Variants in ATP6V0A1 observed in about 807,000 individuals in gnomAD.
ATP6V0A1 encodes ATPase H+ transporting V0 subunit a1, also known as V-type proton ATPase 116 kDa subunit a 1.
In ATP6V0A1, 43 loss-of-function variants were observed where a neutral mutation model predicts 105.4. That is an observed-to-expected ratio of 0.41 (90% confidence interval 0.32 to 0.53). The LOEUF (loss-of-function observed/expected upper bound fraction) is 0.53. Ranked by LOEUF, ATP6V0A1 falls within the 20% of genes least tolerant of loss-of-function variation. ATP6V0A1 has a pLI of 0.30. For missense variants in ATP6V0A1, 676 were observed against 1,051.1 expected (o/e 0.64, Z 4.93); for synonymous variants, 362 against 372.8 (o/e 0.97, Z 0.33).
chr17:42,484,529 C>T (rs1240768398), intron 9 of ATP6V0A1, among the ~76,000 whole-genome samples: 2 of 152,154 alleles, frequency 1.3e-5, no homozygotes, highest in African/African-American at 2.4e-5. Flanking sequence ...ATCTTAACCA[C>T]ACAGACTAGC....
intron 16 of ATP6V0A1, 36 bp from the exon 17 acceptor site, chr17:42,501,161 T>C (rs1328411908): frequency 6.5e-7 from 1 of 1,540,726 alleles, no homozygotes; most frequent in African/African-American, 1.4e-5. Flanking sequence ...GGTAGACTTT[T>C]ATATGATGTA....
intron 17 of ATP6V0A1, among the ~76,000 whole-genome samples, chr17:42,504,098 T>C (rs2091871571): frequency 6.6e-6 from 1 of 152,194 alleles, no homozygotes; most frequent in African/African-American, 2.4e-5. Flanking sequence ...AGGGTCTTCT[T>C]ACCCCACTGG....
chr17:42,480,429 A>G (rs1183703858), intron 7 of ATP6V0A1: 6 of 386,114 alleles, frequency 1.6e-5, no homozygotes, highest in Non-Finnish European at 2.8e-5. Flanking sequence ...CTTAGCTTCA[A>G]GCTCCTGGTT....
intron 12 of ATP6V0A1, chr17:42,494,699 G>A (rs997946354): frequency 1.8e-6 from 1 of 554,312 alleles, no homozygotes; most frequent in Non-Finnish European, 3.1e-6. Context: ...CTTGAGCCCA[G>A]GAATTCGAGA....
chr17:42,513,132 G>A (rs1194522522), intron 19 of ATP6V0A1, among the ~76,000 whole-genome samples: 4 of 152,190 alleles, frequency 2.6e-5, no homozygotes, highest in Non-Finnish European at 5.9e-5. Flanking sequence ...GGGAGCTTGA[G>A]GAAAACGAAA....
At chr17:42,507,349 T>A in intron 17 of ATP6V0A1, 171 bp from the exon 18 acceptor site, 1 of 544,704 alleles carries the variant, frequency 1.8e-6, no homozygotes, top group East Asian at 3.2e-5. Flanking sequence ...AGGCGGTGGT[T>A]GGGGTGGAAC....
At chr17:42,516,517 C>T (rs2092634087) in intron 21 of ATP6V0A1, among the ~76,000 whole-genome samples, 1 of 152,208 alleles carries the variant, frequency 6.6e-6, no homozygotes, top group African/African-American at 2.4e-5. Context: ...GCACGAGAAC[C>T]TCTGAGGACT....
chr17:42,508,222 T>C (rs2092145096), intron 18 of ATP6V0A1, among the ~76,000 whole-genome samples: 1 of 152,240 alleles, frequency 6.6e-6, no homozygotes, highest in Admixed American at 6.5e-5. Flanking sequence ...ACAAAGCCTC[T>C]GAACTGAACT....
intron 2 of ATP6V0A1, among the ~76,000 whole-genome samples, chr17:42,462,788 A>G (rs1015278076): frequency 1.3e-5 from 2 of 151,614 alleles, no homozygotes; most frequent in South Asian, 4.2e-4. Flanking sequence ...ACATTAAGAA[A>G]AAAAATAGAG....
intron 17 of ATP6V0A1, among the ~76,000 whole-genome samples, chr17:42,505,950 A>G (rs1443078103): frequency 2.6e-5 from 4 of 151,460 alleles, no homozygotes; most frequent in South Asian, 2.1e-4. Flanking sequence ...TCTACGCCCA[A>G]CTAATTTTTG....
At chr17:42,465,546 T>C (rs887398406) in intron 2 of ATP6V0A1, among the ~76,000 whole-genome samples, 1 of 151,802 alleles carries the variant, frequency 6.6e-6, no homozygotes, top group Admixed American at 6.6e-5. Flanking sequence ...CACCTTGGCC[T>C]CCCAAAATGC....
chr17:42,488,582 C>T (rs2090328589), intron 10 of ATP6V0A1, among the ~76,000 whole-genome samples: 1 of 152,024 alleles, frequency 6.6e-6, no homozygotes, highest in African/African-American at 2.4e-5. Flanking sequence ...AGCAATCCTC[C>T]CACTTCAGAC....
chr17:42,517,271 C>T (rs1177351390), intron 21 of ATP6V0A1, among the ~76,000 whole-genome samples: 2 of 151,994 alleles, frequency 1.3e-5, no homozygotes, highest in Non-Finnish European at 2.9e-5. Flanking sequence ...CAGACCGAGA[C>T]TCCGTCTCAA....
At chr17:42,511,103 G>A (rs2092324559) in intron 19 of ATP6V0A1, 1 of 152,420 alleles carries the variant, frequency 6.6e-6, no homozygotes, top group South Asian at 2.1e-4. Flanking sequence ...GAGTACAGCT[G>A]GCTGGAAATA....
At position 42,505,703 on chromosome 17, in the gene ATP6V0A1, A is replaced by G. The variant is rs990378117; in HGVS notation, c.2005-1817A>G. On this transcript the variant is annotated intron_variant, in intron 17 of 21. Transcript: ENST00000343619. ...ATATTCCACTGGACATGCCAAAGTC[A>G]TTATCTCTTTGATGGATGTGTTGGT... 1.4e-4 allele frequency among the ~76,000 whole-genome samples: 21 copies of G among 152,136 alleles called. No individual in the cohort carries two copies. In the South Asian group the frequency reaches 4.4e-3, roughly 32 times the overall value.
intron 9 of ATP6V0A1, among the ~76,000 whole-genome samples, chr17:42,485,809 G>A (rs1004595873): frequency 6.6e-6 from 1 of 152,076 alleles, no homozygotes; most frequent in Non-Finnish European, 1.5e-5. Flanking sequence ...CTCCTGCCTT[G>A]GCCTCCCAAA....
At chr17:42,477,490 C>G in intron 5 of ATP6V0A1, 170 bp from the exon 6 acceptor site, 1 of 581,364 alleles carries the variant, frequency 1.7e-6, no homozygotes, top group Non-Finnish European at 2.9e-6. Context: ...TTTTCATCCC[C>G]TATTCTTCTT....
At chr17:42,498,751 G>A (rs912413176) in intron 14 of ATP6V0A1, among the ~76,000 whole-genome samples, 173 bp from the exon 15 acceptor site, 19 of 152,072 alleles carry the variant, frequency 1.2e-4, no homozygotes, top group Admixed American at 3.3e-4. Flanking sequence ...GCGTGAACCC[G>A]GAAGGCAGAG....
At chr17:42,477,004 T>C (rs2088838700) in intron 5 of ATP6V0A1, among the ~76,000 whole-genome samples, 1 of 152,184 alleles carries the variant, frequency 6.6e-6, no homozygotes, top group Non-Finnish European at 1.5e-5. Context: ...CTTGGATCAT[T>C]CTATAAGTGG....
Sources: gnomAD v4.1 joint callset for allele counts (sites outside exome capture counted in the v4.1 genomes callset) on GRCh38, gnomAD v4.1.1 for gene constraint, MANE v1.5 for transcripts, NCBI Gene and HGNC (gene_info 2026-07-23, HGNC 2026-07-21) for gene names.